The following STX8 variants were observed in gnomAD, a reference collection of about 807,000 sequenced individuals.
STX8 encodes the protein syntaxin-8.
A neutral mutation model predicts 37.5 loss-of-function variants in STX8; 23 were observed. The observed-to-expected ratio is 0.61, with a 90% CI of 0.44 to 0.87. STX8 has a LOEUF of 0.87. Among genes scored for constraint, STX8 ranks in the 40% least tolerant of loss-of-function variants. The pLI, the probability that STX8 is intolerant of heterozygous loss-of-function variation, is 0.00. For synonymous variants in STX8, 115 were observed against 99.1 expected (o/e 1.16, Z -0.95); for missense variants, 313 against 284.7 (o/e 1.10, Z -0.71).
intron 7 of STX8, among the ~76,000 whole-genome samples, chr17:9,266,151 G>T (rs1470720898): frequency 1.3e-5 from 2 of 152,202 alleles, no homozygotes; most frequent in African/African-American, 4.8e-5. Context: ...ACAAAAGTTG[G>T]TTGGAATGAA....
intron 7 of STX8, among the ~76,000 whole-genome samples, chr17:9,285,332 G>A (rs1445174238): frequency 6.6e-6 from 1 of 151,030 alleles, no homozygotes; most frequent in African/African-American, 2.4e-5. Context: ...TTGGTGCTGA[G>A]CCACCAAACT....
chr17:9,300,243 A>G (rs140912164), intron 7 of STX8, among the ~76,000 whole-genome samples: 2,113 of 149,864 alleles, frequency 0.014, 27 homozygotes, highest in Non-Finnish European at 0.024. Context: ...AGGCAGGAGA[A>G]TCACTTGAAC....
chr17:9,533,961 C>T (rs942712514), intron 4 of STX8, among the ~76,000 whole-genome samples: 4 of 152,138 alleles, frequency 2.6e-5, no homozygotes, highest in Non-Finnish European at 4.4e-5. Context: ...CAACCCCATT[C>T]TCCCATCGTT....
In STX8 at chr17:9,428,385, T is replaced by C. The variant is rs532109353; in HGVS notation, c.542-49732A>G. ...CCTCCCGAGTAGCTGGGACTACAGGTACCCGCCACCACGCCCGGCTAATTT... is the reference window on the plus strand; with the variant it reads ...CCTCCCGAGTAGCTGGGACTACAGGCACCCGCCACCACGCCCGGCTAATTT... On this transcript the variant is annotated intron_variant, in intron 6 of 7. Coordinates refer to ENST00000306357, the MANE Select transcript of STX8 (RefSeq NM_004853.3). 2.6e-3 allele frequency among the ~76,000 whole-genome samples: 392 copies of C among 152,184 alleles called. 1 individual carries two copies. Among genetic ancestry groups the C allele is most frequent in the African/African-American group, 8.2e-3 (342 of 41,538 alleles).
intron 5 of STX8, among the ~76,000 whole-genome samples, chr17:9,504,835 A>G (rs1040787676): frequency 6.6e-6 from 1 of 151,868 alleles, no homozygotes; most frequent in Non-Finnish European, 1.5e-5. Context: ...TTAGCCGGGC[A>G]TGGTGGCACG....
At chr17:9,279,588 A>G (rs977153486) in intron 7 of STX8, among the ~76,000 whole-genome samples, 1 of 152,186 alleles carries the variant, frequency 6.6e-6, no homozygotes, top group Non-Finnish European at 1.5e-5. Flanking sequence ...TACCAGTAAC[A>G]CAGCTTCCAA....
Position 9,378,536 on chromosome 17 carries a change from C to T in STX8, c.643+16G>A, listed in dbSNP as rs1597634275. The T allele has an allele frequency of 2.5e-6, 4 of 1,601,176 alleles. No individual in the cohort carries two copies. Among genetic ancestry groups the T allele is most frequent in the East Asian group, 4.5e-5 (2 of 44,802 alleles). ...AGCTATGACAGAAACAGAGCCATAA[C>T]GTAGCTATCTCTTACCACAAGAGGC... On this transcript the variant is annotated intron_variant, in intron 7 of 7. Transcript: ENST00000306357.
chr17:9,561,280 A>C (rs1473301450), intron 2 of STX8, among the ~76,000 whole-genome samples: 3 of 152,226 alleles, frequency 2.0e-5, no homozygotes, highest in Admixed American at 2.0e-4. Flanking sequence ...CACTTACAAA[A>C]TCAAGTTAAT....
At chr17:9,456,272 C>A (rs971025787) in intron 6 of STX8, among the ~76,000 whole-genome samples, 8 of 152,118 alleles carry the variant, frequency 5.3e-5, no homozygotes, top group Non-Finnish European at 1.2e-4. Flanking sequence ...TGGGGGGTGG[C>A]AGATGAAGCG....
chr17:9,269,930 T>C (rs1907389081), intron 7 of STX8, among the ~76,000 whole-genome samples: 1 of 152,052 alleles, frequency 6.6e-6, no homozygotes, highest in African/African-American at 2.4e-5. Context: ...AGGGTAATCC[T>C]AGGATTGCTT....
rs114877650 is a variant in STX8, at chr17:9,506,967, A to G, written c.324-1805T>C. On this transcript the variant is annotated intron_variant, in intron 4 of 7. Transcript: ENST00000306357. ...CACAGGTGGCTGAACTCCACAACCC[A>G]GGGCTCGGGAATGGCTGTGACTCTG... 2.1e-3 allele frequency among the ~76,000 whole-genome samples: 324 copies of G among 152,020 alleles called. 1 individual carries two copies. Among genetic ancestry groups the G allele is most frequent in the African/African-American group, 6.0e-3 (249 of 41,468 alleles).
Position 9,527,225 on chromosome 17 carries a change from C to G in STX8, c.323+17947G>C, listed in dbSNP as rs542169255. The stretch of plus-strand genomic sequence containing the variant: ...AAAAGAGGCTGAGGCAGGAGGATTG[C>G]TTGAGCCCAGGAGTTAGAATCCAGC... On this transcript the variant is annotated intron_variant, in intron 4 of 7. Transcript: ENST00000306357. Among the ~76,000 whole-genome samples, 267 of 141,762 alleles carry G rather than the reference C, an allele frequency of 1.9e-3. 1 individual carries two copies. Among genetic ancestry groups the G allele is most frequent in the Non-Finnish European group, 3.3e-3 (216 of 65,584 alleles). 93.0% of individuals were successfully genotyped at this position (141,762 alleles called of 152,430 possible). A position where few individuals can be genotyped will look rare whatever the true frequency, so the allele number is the denominator to read the frequency against.
chr17:9,454,861 A>G (rs1905144380), intron 6 of STX8, among the ~76,000 whole-genome samples: 1 of 152,070 alleles, frequency 6.6e-6, no homozygotes, highest in Non-Finnish European at 1.5e-5. Flanking sequence ...CTCTTTGGAG[A>G]CAAAAAAAAT....
chr17:9,312,349 G>C (rs1165390469), intron 7 of STX8, among the ~76,000 whole-genome samples: 1 of 152,004 alleles, frequency 6.6e-6, no homozygotes, highest in Non-Finnish European at 1.5e-5. Flanking sequence ...TTACAGGCAT[G>C]CGCCACCACG....
chr17:9,442,892 T>G (rs1202912521), intron 6 of STX8, among the ~76,000 whole-genome samples: 2 of 152,164 alleles, frequency 1.3e-5, no homozygotes, highest in Non-Finnish European at 2.9e-5. Context: ...TGGGACTCAT[T>G]AAAACATTTA....
At chr17:9,340,887 C>T (rs1174218622) in intron 7 of STX8, among the ~76,000 whole-genome samples, 1 of 150,130 alleles carries the variant, frequency 6.7e-6, no homozygotes, top group African/African-American at 2.4e-5. Context: ...AAACTCCCGA[C>T]CTCAGGTGAT....
intron 7 of STX8, among the ~76,000 whole-genome samples, chr17:9,334,144 G>A (rs1910063735): frequency 1.3e-5 from 2 of 151,392 alleles, no homozygotes; most frequent in Non-Finnish European, 2.9e-5. Context: ...GGTGCGGGGG[G>A]GTGTGGGGGT....
intron 5 of STX8, among the ~76,000 whole-genome samples, chr17:9,494,615 C>CAAAAAAAAAAAA (rs35806606): frequency 1.6e-5 from 1 of 64,310 alleles, no homozygotes; most frequent in Non-Finnish European, 2.7e-5. Flanking sequence ...GAACCTGTCT[C>CAAAAAAAAAAAA]AAAAAAAAAA....
chr17:9,380,988 T>A (rs985763489), intron 6 of STX8, among the ~76,000 whole-genome samples: 1 of 152,138 alleles, frequency 6.6e-6, no homozygotes, highest in Non-Finnish European at 1.5e-5. Flanking sequence ...GGGCTGGAAT[T>A]ACAGGCGTCA....
Sources: allele counts gnomAD v4.1 joint callset (sites outside exome capture counted in the v4.1 genomes callset), GRCh38; gene constraint gnomAD v4.1.1; transcripts MANE v1.5; gene names NCBI Gene and HGNC (gene_info 2026-07-23, HGNC 2026-07-21).